Variants in AKAP9 observed in about 807,000 individuals in gnomAD.
The protein encoded by AKAP9 is A-kinase anchoring protein 9.
A neutral mutation model predicts 488.5 loss-of-function variants in AKAP9; 311 were observed. That is an observed-to-expected ratio of 0.64 (90% CI 0.58 to 0.70). The LOEUF (loss-of-function observed/expected upper bound fraction) is 0.70, where lower values mean the gene tolerates loss of function less well. Among genes scored for constraint, AKAP9 ranks in the 30% least tolerant of loss-of-function variants. The pLI is 0.00. For synonymous variants in AKAP9, 1,462 were observed against 1,483.5 expected, an observed-to-expected ratio of 0.99 and a Z score of 0.33; for missense variants, 4,215 against 4,374.5, an observed-to-expected ratio of 0.96 and a Z score of 1.03.
At chr7:91,998,418 CTTTT>C (rs60778133) in intron 7 of AKAP9, among the ~76,000 whole-genome samples, 5 of 53,988 alleles carry the variant, frequency 9.3e-5, no homozygotes, top group African/African-American at 2.3e-4. Context: ...CCACAGGGCT[CTTTT>C]TTTTTTTTTT....
chr7:92,040,954 A>T, intron 18 of AKAP9, 56 bp downstream of exon 18: 1 of 1,413,496 alleles, frequency 7.1e-7, no homozygotes. Context: ...CCAAACACCA[A>T]CTTGAACCAG....
intron 9 of AKAP9, among the ~76,000 whole-genome samples, chr7:92,012,895 T>C (rs1028623733): frequency 4.8e-5 from 7 of 147,044 alleles, no homozygotes; most frequent in Non-Finnish European, 5.9e-5. Flanking sequence ...ATAGAAAGAA[T>C]GGGAGGAGAA....
At chr7:92,082,408 C>T in intron 31 of AKAP9, 114 bp from the exon 32 acceptor site, 1 of 1,152,000 alleles carries the variant, frequency 8.7e-7, no homozygotes, top group Non-Finnish European at 1.3e-6. Flanking sequence ...GTTCCAACTC[C>T]TTATATCTGT....
chr7:92,099,552 T>C (rs752823542), intron 43 of AKAP9, 135 bp from the exon 44 acceptor site: 2 of 867,976 alleles, frequency 2.3e-6, no homozygotes, highest in Non-Finnish European at 3.8e-6. Flanking sequence ...GCCTGGTAAA[T>C]ATCTACCTAT....
chr7:92,043,287 A>G (rs1584287930), intron 20 of AKAP9: 1 of 989,906 alleles, frequency 1.0e-6, no homozygotes, highest in Non-Finnish European at 1.2e-6. Context: ...CTCAGCTTGC[A>G]TGGAGGAATT....
At chr7:92,009,297 T>C (rs1460201530) in intron 8 of AKAP9, among the ~76,000 whole-genome samples, 1 of 152,068 alleles carries the variant, frequency 6.6e-6, no homozygotes, top group African/African-American at 2.4e-5. Context: ...TACGTATAGA[T>C]ACCAAAGAGA....
chr7:92,103,165 C>T (rs960192139), intron 46 of AKAP9, among the ~76,000 whole-genome samples: 11 of 151,536 alleles, frequency 7.3e-5, no homozygotes, highest in South Asian at 2.1e-4. Flanking sequence ...CCAAGGCAGG[C>T]GAATCACAAG....
At chr7:92,006,234 T>G (rs1799850538) in intron 8 of AKAP9, among the ~76,000 whole-genome samples, 1 of 151,820 alleles carries the variant, frequency 6.6e-6, no homozygotes, top group Non-Finnish European at 1.5e-5. Context: ...TCCTGCAGCC[T>G]TGACCTCCTG....
intron 3 of AKAP9, among the ~76,000 whole-genome samples, chr7:91,983,126 A>G (rs1796643734): frequency 6.6e-6 from 1 of 151,876 alleles, no homozygotes; most frequent in Non-Finnish European, 1.5e-5. Context: ...GTAGGTATAC[A>G]TGTGCCATGT....
Position 92,079,486 on chromosome 7 carries a change from T to A in AKAP9, c.7353T>A (p.Val2451=). The change falls in exon 31 of 50, where the codon GTT becomes GTA. Residue 2451 remains valine, a synonymous_variant. Transcript: ENST00000356239. ...EKIQSIPENS[V]NVAIDHLSKD... ...TTCAAAGCATACCAGAGAATAGTGTTAACGTGGCTATAGATCATCTGAGCA... is the reference window on the plus strand; with the variant it reads ...TTCAAAGCATACCAGAGAATAGTGTAAACGTGGCTATAGATCATCTGAGCA... 1 of 1,614,020 alleles carries A rather than the reference T, an allele frequency of 6.2e-7. No individual in the cohort carries two copies. The highest frequency in any genetic ancestry group is 8.5e-7 in the Non-Finnish European group (1 of 1,180,014).
At chr7:91,964,241 G>A (rs910869929) in intron 1 of AKAP9, among the ~76,000 whole-genome samples, 15 of 152,284 alleles carry the variant, frequency 9.9e-5, no homozygotes, top group African/African-American at 3.6e-4. Flanking sequence ...AAGGATGTGA[G>A]TTTGAGTCCT....
In AKAP9 at chr7:92,002,122, A is replaced by G; in HGVS notation, c.2205A>G (p.Glu735=). ...QKEIEILRQE[E]KEKGTLEQEV... is the part of the protein sequence containing the mutation. ...AAATTGAAATACTCAGACAAGAAGA[A>G]AAAGAAAAGGGTACACTTGAACAAG... The change falls in exon 8 of 50, where the codon GAA becomes GAG. Residue 735 remains glutamate (E), a synonymous_variant. Coordinates refer to ENST00000356239, the MANE Select transcript of AKAP9 (RefSeq NM_005751.5). 6.3e-7 allele frequency: 1 copy of G among 1,592,972 alleles called. No homozygotes were observed. Among genetic ancestry groups the G allele is most frequent in the Non-Finnish European group, 8.5e-7 (1 of 1,174,272 alleles).
In AKAP9 at chr7:92,001,522, A is replaced by G; in HGVS notation, c.1605A>G (p.Glu535=). Residue 535 remains glutamate (E), a synonymous_variant, in exon 8 of 50, where the codon GAA becomes GAG. Coordinates refer to ENST00000356239, the MANE Select transcript of AKAP9 (RefSeq NM_005751.5). ...AGAGACAGCTTGAAGACCTTGTTGA[A>G]GAATTGAGCTTTTCAAGGGAACAGA... ...ALQRQLEDLV[E]ELSFSREQIQ... 1 of 1,613,934 alleles carries G rather than the reference A, an allele frequency of 6.2e-7. No individual in the cohort carries two copies. Among genetic ancestry groups the G allele is most frequent in the South Asian group, 1.1e-5 (1 of 91,078 alleles).
Position 92,022,295 on chromosome 7 carries a change from A to G in AKAP9, c.3895A>G (p.Lys1299Glu). ...KLEFGEENLP[K>E]EETEFLSIHS... ...TGAATTTGGAGAAGAAAACCTTCCA[A>G]AAGAGGAAACAGAGTTTTTATCAAT... The change falls in exon 13 of 50, where the codon AAA (lysine) becomes GAA (glutamate). Residue 1299 changes from lysine to glutamate, a missense_variant. Physicochemically the swap from Lys to Glu is moderately conservative, Grantham distance 56. Transcript: ENST00000356239. 6.2e-7 allele frequency: 1 copy of G among 1,613,784 alleles called. No individual in the cohort carries two copies. Among genetic ancestry groups the G allele is most frequent in the Non-Finnish European group, 8.5e-7 (1 of 1,179,772 alleles).
intron 12 of AKAP9, among the ~76,000 whole-genome samples, chr7:92,020,534 CCTT>C (rs1447781396): frequency 2.6e-5 from 4 of 152,174 alleles, no homozygotes; most frequent in Admixed American, 2.6e-4. Context: ...ACCCTTCTGT[CCTT>C]CTTCCATGTT....
intron 1 of AKAP9, among the ~76,000 whole-genome samples, chr7:91,967,474 C>A (rs1794557737): frequency 6.6e-6 from 1 of 152,118 alleles, no homozygotes; most frequent in Non-Finnish European, 1.5e-5. Context: ...TTGAGGTATG[C>A]ATCTTCTGTA....
rs140345989 is a variant in AKAP9, at chr7:91,998,375, C to T, written c.931-2473C>T. 3.5e-5 allele frequency among the ~76,000 whole-genome samples: 5 copies of T among 143,994 alleles called. No individual in the cohort carries two copies. In the East Asian group the frequency reaches 8.2e-4, roughly 24 times the overall value. The allele number at this position is 143,994 out of a possible 152,430, so 94.5% of individuals were successfully genotyped here. On this transcript the variant is annotated intron_variant, in intron 7 of 49. Transcript: ENST00000356239. ...GCCGTAGCATAGTATTTCCCCCCATCTCAGGTGTATTTCCAAAAGATAGTG... is the reference window on the plus strand; with the variant it reads ...GCCGTAGCATAGTATTTCCCCCCATTTCAGGTGTATTTCCAAAAGATAGTG...
Position 92,082,688 on chromosome 7 carries a change from T to A in AKAP9, c.8160+26T>A, listed in dbSNP as rs775382607. On this transcript the variant is annotated intron_variant, in intron 32 of 49. Coordinates refer to ENST00000356239, the MANE Select transcript of AKAP9 (RefSeq NM_005751.5). ...GTAAGATAAGTAACATAGCTCCTAA[T>A]TCACTCATTTCTACCTATCTTAATT... 5.6e-6 allele frequency: 9 copies of A among 1,611,954 alleles called. No individual in the cohort carries two copies. In the Admixed American group the frequency reaches 1.3e-4, roughly 24 times the overall value.
Position 92,044,820 on chromosome 7 carries a change from T to G in AKAP9, c.5163-188T>G, listed in dbSNP as rs1806698276. Among the ~76,000 whole-genome samples the G allele has an allele frequency of 3.3e-5, 5 of 152,174 alleles. No individual in the cohort carries two copies. The South Asian group carries it at 1.0e-3, about 31-fold the overall frequency. ...AATTTTTCAGACAAAAACAAATCAT[T>G]TTATAATATAGTTACAAATAAAAAA... On this transcript the variant is annotated intron_variant, in intron 20 of 49. Coordinates refer to ENST00000356239, the MANE Select transcript of AKAP9 (RefSeq NM_005751.5).
Sources: gnomAD v4.1 joint callset for allele counts (sites outside exome capture counted in the v4.1 genomes callset) on GRCh38, gnomAD v4.1.1 for gene constraint, MANE v1.5 for transcripts, NCBI Gene and HGNC (gene_info 2026-07-23, HGNC 2026-07-21) for gene names.